Variants in SPMIP11 observed in about 807,000 individuals in gnomAD.
The protein encoded by SPMIP11 is sperm microtubule inner protein 11.
chr12:48,768,447 C>A, the SPMIP11 span: 1 of 1,225,666 alleles, frequency 8.2e-7, no homozygotes, highest in Non-Finnish European at 1.2e-6. Context: ...GAGCATGATC[C>A]AAGCACAGCC....
At chr12:48,737,638 C>A in the SPMIP11 span, among the ~76,000 whole-genome samples, 1 of 152,012 alleles carries the variant, frequency 6.6e-6, no homozygotes, top group East Asian at 1.9e-4. Context: ...TGGTCTCGAA[C>A]TCCCTACCTC....
At chr12:48,767,296 G>GCC in the SPMIP11 span, 1 of 152,590 alleles carries the variant, frequency 6.6e-6, no homozygotes, top group Non-Finnish European at 1.5e-5. Flanking sequence ...TGCACACATG[G>GCC]CCCCCGAACG....
At chr12:48,729,485 G>C in the SPMIP11 span, among the ~76,000 whole-genome samples, 1 of 151,672 alleles carries the variant, frequency 6.6e-6, no homozygotes. Context: ...AGTGAGCTGA[G>C]ATTGAGCCAC....
At chr12:48,768,483 A>G in the SPMIP11 span, 1 of 1,510,290 alleles carries the variant, frequency 6.6e-7, no homozygotes, top group Non-Finnish European at 9.2e-7. Context: ...TTTTGTGGTT[A>G]GCAGGGTCTG....
the SPMIP11 span, among the ~76,000 whole-genome samples, chr12:48,744,063 A>T: frequency 6.6e-6 from 1 of 151,288 alleles, no homozygotes; most frequent in African/African-American, 2.4e-5. Context: ...AGCCTGACCA[A>T]CATGGAGAAA....
the SPMIP11 span, among the ~76,000 whole-genome samples, chr12:48,754,237 C>A: frequency 3.3e-5 from 5 of 151,518 alleles, no homozygotes; most frequent in African/African-American, 1.2e-4. Flanking sequence ...CCTTTCTCTA[C>A]AAAAAAAAAT....
chr12:48,735,879 C>T, the SPMIP11 span, among the ~76,000 whole-genome samples: 1 of 151,794 alleles, frequency 6.6e-6, no homozygotes, highest in Non-Finnish European at 1.5e-5. Flanking sequence ...GGGAGACTCC[C>T]TCTCAAAATA....
At chr12:48,751,233 C>A in the SPMIP11 span, among the ~76,000 whole-genome samples, 1 of 152,160 alleles carries the variant, frequency 6.6e-6, no homozygotes, top group African/African-American at 2.4e-5. Context: ...TCCTTCCTAC[C>A]TTTTCCTCCT....
chr12:48,737,415 ATT>A, the SPMIP11 span, among the ~76,000 whole-genome samples: 6 of 139,162 alleles, frequency 4.3e-5, no homozygotes, highest in African/African-American at 5.3e-5. Context: ...TTAATTTTTA[ATT>A]TTTTTTTTTT....
chr12:48,753,035 T>A, the SPMIP11 span, among the ~76,000 whole-genome samples: 2 of 152,164 alleles, frequency 1.3e-5, no homozygotes, highest in Non-Finnish European at 2.9e-5. Flanking sequence ...CTGTTCTTTA[T>A]TCTAGACAAA....
the SPMIP11 span, among the ~76,000 whole-genome samples, chr12:48,736,940 T>C: frequency 6.6e-6 from 1 of 152,062 alleles, no homozygotes; most frequent in African/African-American, 2.4e-5. Context: ...ACTAATTCAT[T>C]TCTTTCTGGA....
the SPMIP11 span, among the ~76,000 whole-genome samples, chr12:48,755,115 C>G: frequency 6.6e-6 from 1 of 152,136 alleles, no homozygotes; most frequent in Non-Finnish European, 1.5e-5. Context: ...GTGACCACCC[C>G]CGAGTCACAG....
the SPMIP11 span, chr12:48,766,244 C>T: frequency 6.5e-6 from 1 of 152,688 alleles, no homozygotes; most frequent in Non-Finnish European, 1.5e-5. Flanking sequence ...AAATATTTCA[C>T]TGAAATACAT....
the SPMIP11 span, among the ~76,000 whole-genome samples, chr12:48,760,298 T>C: frequency 6.6e-6 from 1 of 152,080 alleles, no homozygotes; most frequent in Non-Finnish European, 1.5e-5. Flanking sequence ...CTCAGTCTCC[T>C]GAGTAGCTGG....
At chr12:48,749,576 G>C in the SPMIP11 span, among the ~76,000 whole-genome samples, 3 of 130,256 alleles carry the variant, frequency 2.3e-5, no homozygotes, top group Admixed American at 1.8e-4. Flanking sequence ...CAGAGCTTTC[G>C]GTGAGCCAAG....
the SPMIP11 span, among the ~76,000 whole-genome samples, chr12:48,751,466 T>C: frequency 6.6e-6 from 1 of 151,672 alleles, no homozygotes; most frequent in African/African-American, 2.4e-5. Context: ...ATTAGTCAGG[T>C]GTATTGGCGC....
At chr12:48,756,744 G>A in the SPMIP11 span, among the ~76,000 whole-genome samples, 2 of 151,270 alleles carry the variant, frequency 1.3e-5, no homozygotes, top group African/African-American at 2.4e-5. Flanking sequence ...CACTGAAAAC[G>A]TCAGATGCAG....
At chr12:48,764,709 T>G in the SPMIP11 span, 6 of 590,856 alleles carry the variant, frequency 1.0e-5, no homozygotes, top group Non-Finnish European at 1.8e-5. Context: ...CAGGGTGTGG[T>G]GACCACACTC....
chr12:48,764,902 T>A, the SPMIP11 span: 1 of 702,828 alleles, frequency 1.4e-6, no homozygotes, highest in South Asian at 1.5e-5. Flanking sequence ...AACTTCAGCT[T>A]CTGGTGGTCC....
Sources: allele counts gnomAD v4.1 joint callset (sites outside exome capture counted in the v4.1 genomes callset), GRCh38; gene constraint gnomAD v4.1.1; transcripts MANE v1.5; gene names NCBI Gene and HGNC (gene_info 2026-07-23, HGNC 2026-07-21).